Variants in DOCK5 observed in about 807,000 individuals in gnomAD.
DOCK5 encodes the protein dedicator of cytokinesis protein 5.
Under a neutral mutation model 251.8 loss-of-function variants are expected in DOCK5, and 142 were observed. The ratio of observed to expected loss-of-function variants is 0.56; its 90% CI spans 0.49 to 0.65. DOCK5 has a LOEUF of 0.65. Among genes scored for constraint, DOCK5 ranks in the 30% least tolerant of loss-of-function variants. The pLI, the probability that DOCK5 is intolerant of heterozygous loss-of-function variation, is 0.00. For synonymous variants in DOCK5, 842 were observed against 835.5 expected (o/e 1.01, Z -0.13); for missense variants, 2,111 against 2,312.3 (o/e 0.91, Z 1.79).
chr8:25,286,532 C>G (rs1296131516), intron 5 of DOCK5, among the ~76,000 whole-genome samples: 2 of 152,158 alleles, frequency 1.3e-5, no homozygotes, highest in African/African-American at 4.8e-5. Flanking sequence ...CCTGTTTCCC[C>G]CTAAGTCATA....
chr8:25,363,970 A>G (rs1800733701), intron 29 of DOCK5, among the ~76,000 whole-genome samples: 1 of 152,212 alleles, frequency 6.6e-6, no homozygotes, highest in Admixed American at 6.5e-5. Context: ...TTCAGATTCT[A>G]TGTTGGGTAA....
intron 25 of DOCK5, 176 bp from the exon 26 acceptor site, chr8:25,345,298 TA>T: frequency 1.6e-6 from 1 of 618,132 alleles, no homozygotes; most frequent in Non-Finnish European, 2.6e-6. Context: ...TGAACAAGGG[TA>T]AAGTTCCGTG....
intron 6 of DOCK5, among the ~76,000 whole-genome samples, chr8:25,293,533 G>A (rs1477498558): frequency 6.6e-6 from 1 of 152,166 alleles, no homozygotes; most frequent in Non-Finnish European, 1.5e-5. Flanking sequence ...TTATTTCCCA[G>A]TCACATAGAT....
In DOCK5 at chr8:25,325,572, CAAATAAGCT is replaced by C. The variant is rs747235289; in HGVS notation, c.1903+26_1903+34del. ...GGTAGGAGTGGTGAATACACTGACA[CAAATAAGCT>C]TCTTGCTCAGCCTTTCTGGGCTCCT... On this transcript the variant is annotated intron_variant, in intron 18 of 51. Coordinates refer to ENST00000276440, the MANE Select transcript of DOCK5 (RefSeq NM_024940.8). The C allele has an allele frequency of 3.9e-5, 62 of 1,608,106 alleles. 1 individual carries two copies. The highest frequency in any genetic ancestry group is 3.4e-4 in the South Asian group (31 of 90,408).
At chr8:25,216,949 C>G (rs1802256511) in intron 1 of DOCK5, among the ~76,000 whole-genome samples, 1 of 43,424 alleles carries the variant, frequency 2.3e-5, no homozygotes, top group Non-Finnish European at 4.0e-5. Flanking sequence ...TATGTGTATA[C>G]AATATGTATA....
At position 25,403,722 on chromosome 8, in the gene DOCK5, T is replaced by G. The variant is rs747590108; in HGVS notation, c.5091T>G (p.Asp1697Glu). Reference protein sequence around the residue: ...SDNAPSRPGSDGSILEPLLER... With the variant: ...SDNAPSRPGSEGSILEPLLER... ...ATGCTCCTTCCAGACCGGGATCTGA[T>G]GGGTAAGGGTTTCATCTTTAATCTG... The change falls in exon 48 of 52, where the codon GAT becomes GAG. Residue 1697 changes from aspartate (D) to glutamate (E), a missense_variant and splice_region_variant. Asp to Glu is a conservative substitution (Grantham distance 45, BLOSUM62 2). Around this residue, in one of 3 missense-constraint regions of DOCK5, gnomAD observed 1,717 missense variants for 1,892.4 expected, o/e 0.91. Transcript: ENST00000276440. The G allele has an allele frequency of 1.2e-6, 2 of 1,613,850 alleles. No individual in the cohort carries two copies. Among genetic ancestry groups the G allele is most frequent in the Non-Finnish European group, 1.7e-6 (2 of 1,179,772 alleles).
rs140626057 is a variant in DOCK5, at chr8:25,248,186, C to T, written c.127+4429C>T. Among the ~76,000 whole-genome samples, 17 of 152,258 alleles carry T rather than the reference C, an allele frequency of 1.1e-4. No individual in the cohort carries two copies. In the East Asian group the frequency reaches 1.5e-3, roughly 14 times the overall value. On this transcript the variant is annotated intron_variant, in intron 2 of 51. Transcript: ENST00000276440. ...ATTTTCTGGGATTAATTTTTAAAAT[C>T]GTGCCTACCTTGCCAGATGTCCCAT...
chr8:25,185,273 G>T (rs1017931644), intron 1 of DOCK5, among the ~76,000 whole-genome samples: 22 of 152,160 alleles, frequency 1.4e-4, no homozygotes, highest in African/African-American at 5.3e-4. Context: ...TTTTGGGGCC[G>T]CAGCTCTGTG....
Position 25,380,344 on chromosome 8 carries a change from G to A in DOCK5, c.3976G>A (p.Glu1326Lys). 6.2e-7 allele frequency: 1 copy of A among 1,612,270 alleles called. No individual in the cohort carries two copies. Among genetic ancestry groups the A allele is most frequent in the Non-Finnish European group, 8.5e-7 (1 of 1,179,158 alleles). ...KAIKLSKELA[E>K]TYESKVFDYE... ...CATCAAGCTGAGCAAAGAGTTGGCT[G>A]AGACTTACGAAAGCAAAGTATTTGA... The change falls in exon 39 of 52, where the codon GAG (glutamate) becomes AAG (lysine). Residue 1326 changes from glutamate to lysine, a missense_variant. Transcript: ENST00000276440.
At chr8:25,386,424 G>A (rs193137794) in intron 40 of DOCK5, among the ~76,000 whole-genome samples, 6 of 152,100 alleles carry the variant, frequency 3.9e-5, no homozygotes, top group South Asian at 2.1e-4. Context: ...GCATGACCCC[G>A]TCTCTATAAA....
intron 1 of DOCK5, among the ~76,000 whole-genome samples, chr8:25,224,244 G>A (rs893402055): frequency 6.6e-5 from 10 of 152,162 alleles, no homozygotes; most frequent in South Asian, 4.1e-4. Context: ...TCAACTGCCC[G>A]AGTAGCTGAG....
chr8:25,226,735 G>A (rs980199398), intron 1 of DOCK5, among the ~76,000 whole-genome samples: 13 of 151,854 alleles, frequency 8.6e-5, no homozygotes, highest in Non-Finnish European at 1.3e-4. Context: ...ACAGGCGCCC[G>A]CCACCACGCC....
At position 25,300,788 on chromosome 8, in the gene DOCK5, C is replaced by T. The variant is rs1008314727; in HGVS notation, c.846+131C>T. On this transcript the variant is annotated intron_variant, in intron 9 of 51. Transcript: ENST00000276440. ...CATCAATCTGCCTAGCAGGAATAAC[C>T]CACCCATTTATTCAACATGTACTTC... The T allele has an allele frequency of 1.1e-5, 10 of 925,644 alleles. No individual in the cohort carries two copies. The African/African-American group carries it at 1.3e-4, about 12-fold the overall frequency. The allele number at this position is 925,644 out of a possible 1,614,324, so 57.3% of individuals were successfully genotyped here.
chr8:25,374,245 G>A (rs1392355633), intron 36 of DOCK5, among the ~76,000 whole-genome samples: 2 of 152,114 alleles, frequency 1.3e-5, no homozygotes. Flanking sequence ...GGGGAGGGGG[G>A]TCAGGCAGGG....
intron 14 of DOCK5, 181 bp downstream of exon 14, chr8:25,317,312 T>A: frequency 1.6e-6 from 1 of 627,252 alleles, no homozygotes; most frequent in Non-Finnish European, 2.6e-6. Flanking sequence ...GGAAGCTATC[T>A]AGACTCTTCT....
At position 25,226,515 on chromosome 8, in the gene DOCK5, A is replaced by G. The variant is rs1306495281; in HGVS notation, c.44-17159A>G. Among the ~76,000 whole-genome samples the G allele has an allele frequency of 2.0e-5, 3 of 151,908 alleles. No individual in the cohort carries two copies. The East Asian group carries it at 5.8e-4, about 29-fold the overall frequency. Reference sequence around the variant, plus strand: ...CTGACCTCAGGTGATCTGCCCGTCTAGGCCTGGGATTACAGGCGCAAGCCA... The same window carrying G: ...CTGACCTCAGGTGATCTGCCCGTCTGGGCCTGGGATTACAGGCGCAAGCCA... On this transcript the variant is annotated intron_variant, in intron 1 of 51. Coordinates refer to ENST00000276440, the MANE Select transcript of DOCK5 (RefSeq NM_024940.8).
At chr8:25,204,516 C>T (rs996745018) in intron 1 of DOCK5, among the ~76,000 whole-genome samples, 13 of 152,274 alleles carry the variant, frequency 8.5e-5, no homozygotes, top group African/African-American at 2.9e-4. Context: ...ATGAATTAAG[C>T]GATGCCTGTT....
intron 1 of DOCK5, among the ~76,000 whole-genome samples, chr8:25,225,590 C>T (rs557674256): frequency 6.6e-6 from 1 of 151,728 alleles, no homozygotes; most frequent in Non-Finnish European, 1.5e-5. Flanking sequence ...CCTGTAGTCC[C>T]AGCTATTTGG....
intron 5 of DOCK5, among the ~76,000 whole-genome samples, chr8:25,290,989 A>C (rs984420441): frequency 6.6e-6 from 1 of 152,328 alleles, no homozygotes; most frequent in East Asian, 1.9e-4. Flanking sequence ...CAAAAGAAGA[A>C]ATAACATATT....
Sources: gnomAD v4.1 joint callset for allele counts (sites outside exome capture counted in the v4.1 genomes callset) on GRCh38, gnomAD v4.1.1 for gene constraint, gnomAD v4.1.1 regional missense constraint, MANE v1.5 for transcripts, NCBI Gene and HGNC (gene_info 2026-07-23, HGNC 2026-07-21) for gene names.